VAMP4: variants seen among roughly 807,000 people sequenced by gnomAD.
The protein encoded by VAMP4 is vesicle-associated membrane protein 4.
In VAMP4, 19 loss-of-function variants were observed where a neutral mutation model predicts 23.5. The ratio of observed to expected loss-of-function variants is 0.81; its 90% CI spans 0.56 to 1.19. VAMP4 has a LOEUF of 1.19. VAMP4 is among the 50% of genes most tolerant of loss of function. The pLI is 0.00. For missense variants in VAMP4, 145 were observed against 168.6 expected (o/e 0.86, Z 0.78); for synonymous variants, 31 against 51.0 (o/e 0.61, Z 1.67).
At chr1:171,739,174 A>G (rs1259676166) in intron 1 of VAMP4, among the ~76,000 whole-genome samples, 1 of 152,214 alleles carries the variant, frequency 6.6e-6, no homozygotes, top group African/African-American at 2.4e-5. Flanking sequence ...AGGCATGATT[A>G]GAAGACTGGG....
chr1:171,720,436 C>A (rs779416682), intron 3 of VAMP4, among the ~76,000 whole-genome samples: 1 of 151,618 alleles, frequency 6.6e-6, no homozygotes, highest in Non-Finnish European at 1.5e-5. Context: ...TAGAAAAACA[C>A]AAAATGAAAA....
At chr1:171,739,754 T>C (rs1011832648) in intron 1 of VAMP4, among the ~76,000 whole-genome samples, 3 of 152,218 alleles carry the variant, frequency 2.0e-5, no homozygotes, top group Non-Finnish European at 4.4e-5. Context: ...GGGGTCTGTG[T>C]TGAGAGAGAA....
intron 7 of VAMP4, among the ~76,000 whole-genome samples, chr1:171,704,801 G>C (rs236897): frequency 0.14 from 20,659 of 151,812 alleles, 1,819 homozygotes; most frequent in Non-Finnish European, 0.19. Flanking sequence ...TAAAAATTTT[G>C]ATAACCTGGG....
intron 4 of VAMP4, among the ~76,000 whole-genome samples, chr1:171,712,221 A>G (rs922790258): frequency 6.6e-6 from 1 of 152,170 alleles, no homozygotes; most frequent in Non-Finnish European, 1.5e-5. Context: ...TGGAAAAGGA[A>G]GAAGTGTGTA....
chr1:171,715,864 G>A (rs577279574), intron 4 of VAMP4, among the ~76,000 whole-genome samples: 1 of 152,148 alleles, frequency 6.6e-6, no homozygotes, highest in African/African-American at 2.4e-5. Flanking sequence ...AGCCAAGCAT[G>A]GTGGCACGTG....
intron 1 of VAMP4, among the ~76,000 whole-genome samples, chr1:171,738,783 A>T (rs1276555811): frequency 6.6e-6 from 1 of 152,220 alleles, no homozygotes; most frequent in African/African-American, 2.4e-5. Flanking sequence ...AATGCTTTAC[A>T]ATTTAAAGTT....
intron 3 of VAMP4, among the ~76,000 whole-genome samples, chr1:171,722,954 A>G (rs1292037998): frequency 1.3e-4 from 20 of 152,184 alleles, no homozygotes; most frequent in Admixed American, 1.3e-3. Flanking sequence ...ATAATTCAAC[A>G]TAGGACCTTT....
At chr1:171,731,445 C>T (rs866920101) in intron 2 of VAMP4, among the ~76,000 whole-genome samples, 74 of 145,042 alleles carry the variant, frequency 5.1e-4, no homozygotes, top group Admixed American at 2.4e-3. Context: ...AGGATTGCAA[C>T]AAATGCTATG....
chr1:171,742,017 G>C lies in VAMP4; in HGVS notation c.-157C>G, dbSNP rs1655944963. 1 of 152,202 alleles carries C rather than the reference G, an allele frequency of 6.6e-6. No individual in the cohort carries two copies. The highest frequency in any genetic ancestry group is 2.4e-5 in the African/African-American group (1 of 41,432). The allele number at this position is 152,202 out of a possible 1,614,324, so 9.4% of individuals were successfully genotyped here. A position where few individuals can be genotyped will look rare whatever the true frequency, so the allele number is the denominator to read the frequency against. On this transcript the variant is annotated 5_prime_UTR_variant, in exon 1 of 8. Transcript: ENST00000236192. ...AGAAGCTGGGAGGGGGAGACAGTTG[G>C]TGCGGACCCGGCGTCGGCCGCAGCG...
At chr1:171,708,090 G>T (rs1017240503) in intron 6 of VAMP4, among the ~76,000 whole-genome samples, 7 of 152,030 alleles carry the variant, frequency 4.6e-5, no homozygotes, top group Non-Finnish European at 1.0e-4. Flanking sequence ...CTCGAGGCCA[G>T]AAGTTCAAGA....
chr1:171,717,679 C>T (rs1424127352), intron 4 of VAMP4, among the ~76,000 whole-genome samples: 1 of 151,844 alleles, frequency 6.6e-6, no homozygotes, highest in African/African-American at 2.4e-5. Context: ...AAACTTTTGG[C>T]TTCAAACAAT....
chr1:171,727,272 C>T (rs938754995), intron 3 of VAMP4, among the ~76,000 whole-genome samples: 1 of 120,266 alleles, frequency 8.3e-6, no homozygotes, highest in Non-Finnish European at 1.8e-5. Flanking sequence ...CAAAAAAACA[C>T]AACTCAATGA....
At chr1:171,720,355 T>G (rs937213322) in intron 3 of VAMP4, among the ~76,000 whole-genome samples, 1 of 151,764 alleles carries the variant, frequency 6.6e-6, no homozygotes, top group Non-Finnish European at 1.5e-5. Context: ...TGATCCCCAC[T>G]ACAGGTTAAA....
intron 1 of VAMP4, 85 bp from the exon 2 acceptor site, chr1:171,738,548 T>G (rs961341751): frequency 1.3e-6 from 1 of 790,492 alleles, no homozygotes. Context: ...AAACCCTGTA[T>G]GACAGGGACT....
At chr1:171,738,488 AGATTTGAGAC>A in intron 1 of VAMP4, 25 bp from the exon 2 acceptor site, 1 of 1,480,658 alleles carries the variant, frequency 6.8e-7, no homozygotes, top group African/African-American at 1.4e-5. Context: ...AAATTTCATC[AGATTTGAGAC>A]TTTGGGGCAT....
At chr1:171,717,981 C>T (rs949502722) in intron 4 of VAMP4, among the ~76,000 whole-genome samples, 1 of 152,122 alleles carries the variant, frequency 6.6e-6, no homozygotes, top group African/African-American at 2.4e-5. Context: ...TTGGTCATAC[C>T]TGGTGATACC....
At chr1:171,725,424 G>T (rs2124858527) in intron 3 of VAMP4, among the ~76,000 whole-genome samples, 2 of 152,146 alleles carry the variant, frequency 1.3e-5, no homozygotes, top group African/African-American at 4.8e-5. Flanking sequence ...AACATAATGA[G>T]ACCCTGTCTC....
intron 3 of VAMP4, among the ~76,000 whole-genome samples, chr1:171,726,846 A>C (rs1041773177): frequency 7.4e-6 from 1 of 135,004 alleles, no homozygotes; most frequent in Non-Finnish European, 1.7e-5. Context: ...AATCTTCAAA[A>C]GATATTATTA....
chr1:171,725,575 T>C (rs1045391928), intron 3 of VAMP4, among the ~76,000 whole-genome samples: 12 of 152,324 alleles, frequency 7.9e-5, no homozygotes, highest in Admixed American at 5.9e-4. Context: ...TTGTCACCCA[T>C]AGAAAATTAT....
Sources: gnomAD v4.1 joint callset for allele counts (sites outside exome capture counted in the v4.1 genomes callset) on GRCh38, gnomAD v4.1.1 for gene constraint, MANE v1.5 for transcripts, NCBI Gene and HGNC (gene_info 2026-07-23, HGNC 2026-07-21) for gene names.